TTI2: variants seen among roughly 807,000 people sequenced by gnomAD.
The protein encoded by TTI2 is TELO2 interacting protein 2, also known as TELO2-interacting protein 2.
TTI2 carries 26 observed loss-of-function variants against 44.9 expected under a neutral mutation model. The observed-to-expected ratio is 0.58, with a 90% confidence interval of 0.42 to 0.80. The LOEUF (loss-of-function observed/expected upper bound fraction) is 0.80, where lower values mean the gene tolerates loss of function less well. Ranked by LOEUF, TTI2 falls within the 30% of genes least tolerant of loss-of-function variation. The pLI is 0.00. For missense variants in TTI2, 582 were observed against 611.6 expected (o/e 0.95, Z 0.51); for synonymous variants, 254 against 250.9 (o/e 1.01, Z -0.12).
chr8:33,509,106 G>GC (rs987869273), intron 3 of TTI2, among the ~76,000 whole-genome samples: 5 of 134,788 alleles, frequency 3.7e-5, no homozygotes, highest in African/African-American at 1.4e-4. Flanking sequence ...TCACACTCCA[G>GC]CCCAGGCGAC....
At position 33,512,036 on chromosome 8, in the gene TTI2, T is replaced by C. The variant is rs1274164834; in HGVS notation, c.578A>G (p.His193Arg). Residue 193 changes from histidine to arginine, a missense_variant, in exon 2 of 8, where the codon CAT (histidine) becomes CGT (arginine). Physicochemically the swap from His to Arg is conservative, Grantham distance 29. Transcript: ENST00000431156. The part of the protein sequence containing the change: ...TECGSVAGFL[H>R]GENEDEKGRL... ...CCCTTTCTCATCTTCATTTTCTCCA[T>C]GTAGGAATCCTGCCACAGAACCGCA... 1.2e-6 allele frequency: 2 copies of C among 1,614,180 alleles called. No individual in the cohort carries two copies. Among genetic ancestry groups the C allele is most frequent in the Admixed American group, 1.7e-5 (1 of 60,010 alleles).
intron 2 of TTI2, among the ~76,000 whole-genome samples, chr8:33,510,788 G>C (rs181508961): frequency 6.9e-6 from 1 of 145,452 alleles, no homozygotes; most frequent in Admixed American, 6.7e-5. Flanking sequence ...TTTTAATTCC[G>C]TGTTCCTGGT....
Position 33,506,800 on chromosome 8 carries a change from C to G in TTI2, c.927+429G>C, listed in dbSNP as rs1056451788. ...CTCCGCCACCCGGGTTCAAATGATTCTTGTGCCTCAGCCTCCTGAGTAGTA... is the reference window on the plus strand; with the variant it reads ...CTCCGCCACCCGGGTTCAAATGATTGTTGTGCCTCAGCCTCCTGAGTAGTA... On this transcript the variant is annotated intron_variant, in intron 4 of 7. Transcript: ENST00000431156. Among the ~76,000 whole-genome samples the G allele has an allele frequency of 2.6e-5, 4 of 151,866 alleles. No individual in the cohort carries two copies. In the East Asian group the frequency reaches 7.7e-4, roughly 29 times the overall value.
rs1390915809 is a variant in TTI2, at chr8:33,500,439, A to G, written c.1311T>C (p.Cys437=). The G allele has an allele frequency of 6.2e-7, 1 of 1,614,112 alleles. No homozygotes were observed. The highest frequency in any genetic ancestry group is 8.5e-7 in the Non-Finnish European group (1 of 1,180,010). Residue 437 remains cysteine (C), a synonymous_variant, in exon 7 of 8, where the codon TGT becomes TGC. Transcript: ENST00000431156. The part of the protein sequence containing the change: ...VLLKALLKLI[C]DVARDPNLTP... ...TAAGGTTTGGATCCCTTGCTACATCACAAATCAGTTTCAAGAGGGCCTTCA... is the reference window on the plus strand; with the variant it reads ...TAAGGTTTGGATCCCTTGCTACATCGCAAATCAGTTTCAAGAGGGCCTTCA...
At chr8:33,507,784 C>T (rs968726848) in intron 3 of TTI2, among the ~76,000 whole-genome samples, 2 of 151,518 alleles carry the variant, frequency 1.3e-5, no homozygotes, top group African/African-American at 2.4e-5. Flanking sequence ...CCAAGTTTGA[C>T]AGCAGCCTGG....
chr8:33,498,839 C>T lies in TTI2; in HGVS notation c.*334G>A. ...GTTGTGAACAAGAGTGTTTTTATAG[C>T]ATATGTGTTGAAGTAACAGCTTGTG... On this transcript the variant is annotated 3_prime_UTR_variant, in exon 8 of 8. Coordinates refer to ENST00000431156, the MANE Select transcript of TTI2 (RefSeq NM_001102401.4). 2 of 602,614 alleles carry T rather than the reference C, an allele frequency of 3.3e-6. No homozygotes were observed. Among genetic ancestry groups the T allele is most frequent in the Middle Eastern group, 4.4e-4 (1 of 2,258 alleles). The allele number at this position is 602,614 out of a possible 1,614,324, so 37.3% of individuals were successfully genotyped here.
intron 7 of TTI2, chr8:33,500,091 C>T: frequency 2.1e-6 from 1 of 468,776 alleles, no homozygotes; most frequent in East Asian, 3.8e-5. Flanking sequence ...GTCCTTAGCC[C>T]CAGTGACATG....
At chr8:33,509,560 A>T (rs2128830414) in intron 3 of TTI2, among the ~76,000 whole-genome samples, 186 bp downstream of exon 3, 2 of 152,060 alleles carry the variant, frequency 1.3e-5, no homozygotes, top group African/African-American at 2.4e-5. Context: ...TGTTTCTTCT[A>T]TAATTATCAT....
At chr8:33,501,852 G>A (rs903500358) in intron 6 of TTI2, among the ~76,000 whole-genome samples, 5 of 152,098 alleles carry the variant, frequency 3.3e-5, no homozygotes, top group African/African-American at 1.2e-4. Flanking sequence ...CCACAGTTTG[G>A]GTTCCAGTTC....
At chr8:33,504,080 C>T (rs1272673418) in intron 4 of TTI2, 145 bp from the exon 5 acceptor site, 42 of 824,356 alleles carry the variant, frequency 5.1e-5, no homozygotes, top group Non-Finnish European at 8.1e-5. Context: ...ATATGAACTG[C>T]ACATTACTTT....
At chr8:33,505,535 G>A (rs1447104680) in intron 4 of TTI2, among the ~76,000 whole-genome samples, 1 of 151,530 alleles carries the variant, frequency 6.6e-6, no homozygotes, top group African/African-American at 2.4e-5. Context: ...CGTTGCCCAG[G>A]CTGGAGGGCA....
At position 33,512,575 on chromosome 8, in the gene TTI2, T is replaced by C; in HGVS notation, c.39A>G (p.Glu13=). The C allele has an allele frequency of 1.2e-6, 2 of 1,613,980 alleles. No homozygotes were observed. The highest frequency in any genetic ancestry group is 1.1e-5 in the South Asian group (1 of 91,086). The change falls in exon 2 of 8, where the codon GAA becomes GAG. Residue 13 remains glutamate (E), a synonymous_variant. Coordinates refer to ENST00000431156, the MANE Select transcript of TTI2 (RefSeq NM_001102401.4). ...LDSALEAPSQ[E]DSNLSEELSH... is the part of the protein sequence containing the mutation. ...ACAACTCCTCGGACAAATTAGAGTC[T>C]TCCTGCGATGGGGCTTCCAGAGCGC...
chr8:33,502,996 G>T (rs1809148621), intron 6 of TTI2, among the ~76,000 whole-genome samples: 1 of 151,738 alleles, frequency 6.6e-6, no homozygotes, highest in African/African-American at 2.4e-5. Context: ...GGGCCTGGCG[G>T]TGGGCGCCTG....
intron 3 of TTI2, 100 bp downstream of exon 3, chr8:33,509,646 T>C (rs1354654730): frequency 8.3e-7 from 1 of 1,210,846 alleles, no homozygotes; most frequent in African/African-American, 1.5e-5. Flanking sequence ...AAAATACAAA[T>C]AAGTAAAGTT....
intron 7 of TTI2, 167 bp from the exon 8 acceptor site, chr8:33,499,444 T>C: frequency 1.7e-6 from 1 of 586,966 alleles, no homozygotes; most frequent in Non-Finnish European, 3.0e-6. Context: ...TTATTATTTT[T>C]AAATTTATAT....
At chr8:33,509,244 G>A (rs1293765828) in intron 3 of TTI2, among the ~76,000 whole-genome samples, 1 of 151,652 alleles carries the variant, frequency 6.6e-6, no homozygotes, top group African/African-American at 2.4e-5. Context: ...GGATCACAAG[G>A]TCAGGAGTTG....
At position 33,505,230 on chromosome 8, in the gene TTI2, A is replaced by G. The variant is rs549153357; in HGVS notation, c.928-1295T>C. 1.1e-3 allele frequency among the ~76,000 whole-genome samples: 173 copies of G among 152,148 alleles called. 2 individuals are homozygous for G. Among genetic ancestry groups the G allele is most frequent in the Non-Finnish European group, 1.2e-3 (81 of 68,036 alleles). ...AGAGCAAGATCCACCTCAAAAAAAT[A>G]AATTAAATAAAATAAAAATAAAGGC... On this transcript the variant is annotated intron_variant, in intron 4 of 7. Transcript: ENST00000431156.
rs745366614 is a variant in TTI2, at chr8:33,500,365, A to G, written c.1385T>C (p.Leu462Pro). 8.7e-6 allele frequency: 14 copies of G among 1,614,154 alleles called. No individual in the cohort carries two copies. Among genetic ancestry groups the G allele is most frequent in the Non-Finnish European group, 1.2e-5 (14 of 1,180,016 alleles). The change falls in exon 7 of 8, where the codon CTG (leucine) becomes CCG (proline). Residue 462 changes from leucine to proline, a missense_variant. Physicochemically the swap from Leu to Pro is moderately conservative, Grantham distance 98. Transcript: ENST00000431156. ...SALLQEATDC[L>P]ILLDRCSQGR... The stretch of plus-strand genomic sequence containing the variant: ...TTGAGAACAGCGGTCCAGGAGAATC[A>G]GGCAGTCTGTGGCCTCCTGTAGCAG...
intron 2 of TTI2, among the ~76,000 whole-genome samples, chr8:33,511,035 A>C (rs1212233264): frequency 6.6e-6 from 1 of 151,920 alleles, no homozygotes; most frequent in East Asian, 1.9e-4. Context: ...CCCCCATCCA[A>C]ATTCTAGTAA....
Sources: allele counts gnomAD v4.1 joint callset (sites outside exome capture counted in the v4.1 genomes callset), GRCh38; gene constraint gnomAD v4.1.1; transcripts MANE v1.5; gene names NCBI Gene and HGNC (gene_info 2026-07-23, HGNC 2026-07-21).